Variants in PRDM16 observed in about 807,000 individuals in gnomAD.
PRDM16 encodes histone-lysine N-methyltransferase PRDM16.
A neutral mutation model predicts 110.6 loss-of-function variants in PRDM16; 23 were observed. The observed-to-expected ratio is 0.21, with a 90% CI of 0.15 to 0.29. PRDM16 has a LOEUF of 0.29. Among genes scored for constraint, PRDM16 ranks in the 10% least tolerant of loss-of-function variants. The pLI is 1.00. For missense variants in PRDM16, 1,615 were observed against 1,794.3 expected, an observed-to-expected ratio of 0.90 and a Z score of 1.81; for synonymous variants, 799 against 781.8, an observed-to-expected ratio of 1.02 and a Z score of -0.37.
Position 3,435,939 on chromosome 1 carries a change from G to C in PRDM16, c.*2128G>C, listed in dbSNP as rs1537404. Reference sequence around the variant, plus strand: ...TGCGCTGGGGCCATGGGGTGGCCCCGCCGGGGCAGCGGGGGAGCTGCCTGC... The same window carrying C: ...TGCGCTGGGGCCATGGGGTGGCCCCCCCGGGGCAGCGGGGGAGCTGCCTGC... On this transcript the variant is annotated 3_prime_UTR_variant, in exon 17 of 17. Transcript: ENST00000270722. 212,303 of 230,916 alleles carry C rather than the reference G, an allele frequency of 0.92. 98,150 individuals carry two copies. The highest frequency in any genetic ancestry group is 0.98 in the African/African-American group (44,432 of 45,318). 14.3% of individuals were successfully genotyped at this position (230,916 alleles called of 1,614,324 possible). A position where few individuals can be genotyped will look rare whatever the true frequency, so the allele number is the denominator to read the frequency against.
At chr1:3,346,956 A>T (rs1206382900) in intron 3 of PRDM16, among the ~76,000 whole-genome samples, 1 of 152,104 alleles carries the variant, frequency 6.6e-6, no homozygotes, top group East Asian at 1.9e-4. Context: ...GGCCCTGGGG[A>T]CACCTGAGTG....
In PRDM16 at chr1:3,412,641, A is replaced by T; in HGVS notation, c.2444A>T (p.Gln815Leu). ...ATCGGCAGCCGGGCCCGTGCCAGCC[A>T]AAACGGCGGCGGGCGGGAGCCCCGC... ...LSIGSRARAS[Q>L]NGGGREPRKN... is the part of the protein sequence containing the mutation. Residue 815 changes from glutamine (Q) to leucine (L), a missense_variant, in exon 9 of 17, where the codon CAA becomes CTA. By Grantham distance (113) the Gln-to-Leu change is moderately radical. Coordinates refer to ENST00000270722, the MANE Select transcript of PRDM16 (RefSeq NM_022114.4). 6.4e-7 allele frequency: 1 copy of T among 1,564,078 alleles called. No individual in the cohort carries two copies. Among genetic ancestry groups the T allele is most frequent in the Non-Finnish European group, 8.7e-7 (1 of 1,154,912 alleles).
intron 1 of PRDM16, among the ~76,000 whole-genome samples, chr1:3,114,500 G>A (rs2981866): frequency 0.68 from 102,643 of 150,020 alleles, 36,082 homozygotes; most frequent in East Asian, 0.92. Context: ...ACGCACACAC[G>A]CGCATGCACA....
At chr1:3,083,991 G>A (rs1050628324) in intron 1 of PRDM16, among the ~76,000 whole-genome samples, 3 of 152,254 alleles carry the variant, frequency 2.0e-5, no homozygotes, top group African/African-American at 7.2e-5. Context: ...CCCTGTTCGC[G>A]AGAGAAGAGA....
In PRDM16 at chr1:3,412,946, T is replaced by TG. The variant is rs749817011; in HGVS notation, c.2603+153dup. The TG allele has an allele frequency of 3.4e-3, 2,329 of 676,340 alleles. 9 individuals carry two copies. The highest frequency in any genetic ancestry group is 4.3e-3 in the Non-Finnish European group (1,923 of 443,322). The allele number at this position is 676,340 out of a possible 1,614,324, so 41.9% of individuals were successfully genotyped here. ...GACTTCAGGAAGATGCCCCTGTTCT[T>TG]GGGGGGGTCTGCACCCCTCAGGAGG... On this transcript the variant is annotated intron_variant, in intron 9 of 16. Coordinates refer to ENST00000270722, the MANE Select transcript of PRDM16 (RefSeq NM_022114.4).
At chr1:3,405,421 T>A in intron 7 of PRDM16, 74 bp from the exon 8 acceptor site, 3 of 1,458,812 alleles carry the variant, frequency 2.1e-6, no homozygotes, top group Non-Finnish European at 2.7e-6. Context: ...CCACAGCCGG[T>A]TGGTCCGCCA....
In PRDM16 at chr1:3,382,201, G is replaced by A. The variant is rs1446086344; in HGVS notation, c.439-2951G>A. On this transcript the variant is annotated intron_variant, in intron 3 of 16. Coordinates refer to ENST00000270722, the MANE Select transcript of PRDM16 (RefSeq NM_022114.4). The surrounding 1 kb of genome is among the most constrained non-coding windows in gnomAD (Gnocchi z 6.6). ...GCCCTGGGTCTGCACCCTAGAGGAT[G>A]GGAAGCCTGCCTCCCTAGTGACAAC... 1.3e-5 allele frequency among the ~76,000 whole-genome samples: 2 copies of A among 152,204 alleles called. No individual in the cohort carries two copies. Among genetic ancestry groups the A allele is most frequent in the Admixed American group, 6.5e-5 (1 of 15,286 alleles).
chr1:3,424,299 G>C (rs1638529807), intron 12 of PRDM16, among the ~76,000 whole-genome samples: 1 of 152,240 alleles, frequency 6.6e-6, no homozygotes, highest in Non-Finnish European at 1.5e-5. Context: ...AAATGGGAGA[G>C]AACAACCCTC....
chr1:3,143,121 A>G lies in PRDM16; in HGVS notation c.38-43004A>G, dbSNP rs1235715946. On this transcript the variant is annotated intron_variant, in intron 1 of 16. Coordinates refer to ENST00000270722, the MANE Select transcript of PRDM16 (RefSeq NM_022114.4). This position sits in a 1 kb window ranked among gnomAD's most constrained non-coding sequence, Gnocchi z 4.5. ...GTCTTTTCAGTCGCCTGTCATTTAA[A>G]ATGAAAGTAAGAAGGGAGACCTTGT... Among the ~76,000 whole-genome samples, 1 of 152,184 alleles carries G rather than the reference A, an allele frequency of 6.6e-6. No individual in the cohort carries two copies. The highest frequency in any genetic ancestry group is 1.5e-5 in the Non-Finnish European group (1 of 68,042).
intron 1 of PRDM16, among the ~76,000 whole-genome samples, chr1:3,142,185 C>T (rs1643564078): frequency 6.6e-6 from 1 of 152,198 alleles, no homozygotes; most frequent in Non-Finnish European, 1.5e-5. Context: ...AGGTTGGGGC[C>T]AGGGCTGGGG....
In PRDM16 at chr1:3,418,649, C is replaced by G; in HGVS notation, c.2862-18C>G. On this transcript the variant is annotated intron_variant, in intron 11 of 16. Transcript: ENST00000270722. ...CACCCTAATCCTCCCTCACCCTCCC[C>G]ACCTCCCTCCACCCCAGGTACTGTG... The G allele has an allele frequency of 1.3e-6, 2 of 1,590,296 alleles. No homozygotes were observed. The highest frequency in any genetic ancestry group is 1.7e-6 in the Non-Finnish European group (2 of 1,158,474).
At chr1:3,343,191 G>C (rs374280359) in intron 3 of PRDM16, among the ~76,000 whole-genome samples, 15 of 149,704 alleles carry the variant, frequency 1.0e-4, no homozygotes, top group African/African-American at 3.5e-4. Flanking sequence ...ATAACCGTTT[G>C]AGTGAGTGTG....
chr1:3,214,016 C>T (rs1462497967), intron 2 of PRDM16, among the ~76,000 whole-genome samples: 1 of 152,144 alleles, frequency 6.6e-6, no homozygotes, highest in Non-Finnish European at 1.5e-5. Flanking sequence ...GGGTCCGCCT[C>T]GGCTGGAATC....
intron 8 of PRDM16, among the ~76,000 whole-genome samples, chr1:3,409,090 CGTGTCTGTGAGTGCGAGTGTGGGCGT>C (rs1384214610): frequency 7.1e-6 from 1 of 141,534 alleles, no homozygotes; most frequent in Non-Finnish European, 1.6e-5. Context: ...AGTGTGGGCG[CGTGTCTGTGAGTGCGAGTGTGGGCGT>C]GTGAGTTGAT....
Position 3,246,024 on chromosome 1 carries a change from G to T in PRDM16, c.438+1887G>T, listed in dbSNP as rs1639783323. On this transcript the variant is annotated intron_variant, in intron 3 of 16. Transcript: ENST00000270722. The surrounding 1 kb of genome is among the most constrained non-coding windows in gnomAD (Gnocchi z 5.2). ...TGCTGGGAGGGGTTGCTTGGTCTAG[G>T]AACAGGGGTCAAGTCAGAAGGTCAA... 6.6e-6 allele frequency among the ~76,000 whole-genome samples: 1 copy of T among 152,128 alleles called. No individual in the cohort carries two copies. Among genetic ancestry groups the T allele is most frequent in the Non-Finnish European group, 1.5e-5 (1 of 68,020 alleles).
chr1:3,185,480 C>A (rs537731414), intron 1 of PRDM16, among the ~76,000 whole-genome samples: 1 of 152,232 alleles, frequency 6.6e-6, no homozygotes, highest in African/African-American at 2.4e-5. Flanking sequence ...AGGCTGCGGC[C>A]CAAGTGCAGG....
Position 3,430,956 on chromosome 1 carries a change from C to G in PRDM16, c.3369C>G (p.Asp1123Glu), listed in dbSNP as rs370420046. 6.2e-7 allele frequency: 1 copy of G among 1,613,322 alleles called. No homozygotes were observed. The highest frequency in any genetic ancestry group is 8.5e-7 in the Non-Finnish European group (1 of 1,179,624). ...AGGAGGACGTGGAGGAGGAGGACGA[C>G]GATGACCTGGAGGAGGACGATGAGG... ...EKQEDVEEEDDDDLEEDDEDS... is the reference protein window; with the variant it reads ...EKQEDVEEEDEDDLEEDDEDS... The change falls in exon 15 of 17, where the codon GAC becomes GAG. Residue 1123 changes from aspartate (D) to glutamate (E), a missense_variant. Around this residue, in one of 5 missense-constraint regions of PRDM16, gnomAD observed 327 missense variants for 359.3 expected, o/e 0.91. Coordinates refer to ENST00000270722, the MANE Select transcript of PRDM16 (RefSeq NM_022114.4).
chr1:3,083,808 G>T (rs1016733949), intron 1 of PRDM16, among the ~76,000 whole-genome samples: 4 of 152,198 alleles, frequency 2.6e-5, no homozygotes, highest in Non-Finnish European at 4.4e-5. Flanking sequence ...TGTCTGTGTT[G>T]TCATTGAGGG....
At chr1:3,195,861 G>A (rs965954089) in intron 2 of PRDM16, among the ~76,000 whole-genome samples, 1 of 152,210 alleles carries the variant, frequency 6.6e-6, no homozygotes, top group Non-Finnish European at 1.5e-5. Flanking sequence ...GATTGGATGT[G>A]AAGGGAGTAT....
Sources: allele counts gnomAD v4.1 joint callset (sites outside exome capture counted in the v4.1 genomes callset), GRCh38; gene constraint gnomAD v4.1.1; regional missense constraint gnomAD v4.1.1; non-coding constraint Gnocchi (gnomAD v3.1); transcripts MANE v1.5; gene names NCBI Gene and HGNC (gene_info 2026-07-23, HGNC 2026-07-21).